FBXL5: variants seen among roughly 807,000 people sequenced by gnomAD.
FBXL5 encodes F-box/LRR-repeat protein 5.
In FBXL5, 26 loss-of-function variants were observed where a neutral mutation model predicts 78.3. The observed-to-expected ratio is 0.33, with a 90% CI of 0.24 to 0.46. The LOEUF is 0.46. Among genes scored for constraint, FBXL5 ranks in the 20% least tolerant of loss-of-function variants. FBXL5 has a pLI of 1.00. For synonymous variants in FBXL5, 295 were observed against 282.5 expected (o/e 1.04, Z -0.45); for missense variants, 710 against 829.2 (o/e 0.86, Z 1.77).
chr4:15,645,282 A>G (rs1470102468), intron 1 of FBXL5, among the ~76,000 whole-genome samples: 3 of 152,218 alleles, frequency 2.0e-5, no homozygotes, highest in Non-Finnish European at 2.9e-5. Context: ...CCTACTATAC[A>G]TAACAGAATT....
At chr4:15,617,019 T>C (rs2148543237) in intron 9 of FBXL5, among the ~76,000 whole-genome samples, 1 of 152,314 alleles carries the variant, frequency 6.6e-6, no homozygotes, top group East Asian at 1.9e-4. Context: ...TTTTACACTG[T>C]TGGGAGTGTA....
upstream of FBXL5, among the ~76,000 whole-genome samples, chr4:15,660,274 A>C (rs1717242920): frequency 6.6e-6 from 1 of 152,068 alleles, no homozygotes; most frequent in African/African-American, 2.4e-5. Context: ...GTAGAGGTGC[A>C]GTCTCATGAT....
intron 1 of FBXL5, among the ~76,000 whole-genome samples, chr4:15,679,427 T>C (rs1039526850): frequency 1.3e-5 from 2 of 152,030 alleles, no homozygotes; most frequent in African/African-American, 4.8e-5. Flanking sequence ...TGAGTAATAT[T>C]TACCCAAGTC....
Position 15,618,774 on chromosome 4 carries a change from G to A in FBXL5, c.1851-6360C>T, listed in dbSNP as rs139069366. ...GGAAAATCGCTAGAGCCCAGGAGGCGGAGGTTACAGTTGAGCCAAGATTGT... is the reference window on the plus strand; with the variant it reads ...GGAAAATCGCTAGAGCCCAGGAGGCAGAGGTTACAGTTGAGCCAAGATTGT... On this transcript the variant is annotated intron_variant, in intron 9 of 10. Coordinates refer to ENST00000341285, the MANE Select transcript of FBXL5 (RefSeq NM_012161.4). Among the ~76,000 whole-genome samples the A allele has an allele frequency of 1.8e-3, 272 of 152,226 alleles. 2 individuals are homozygous for A. The highest frequency in any genetic ancestry group is 0.013 in the South Asian group (65 of 4,818).
chr4:15,628,093 AGC>A (rs1713250962), intron 6 of FBXL5, 60 bp from the exon 7 acceptor site: 1 of 1,495,778 alleles, frequency 6.7e-7, no homozygotes, highest in Non-Finnish European at 9.1e-7. Flanking sequence ...AAGCTACTCA[AGC>A]GCTCACCAAA....
intron 1 of FBXL5, among the ~76,000 whole-genome samples, chr4:15,654,433 A>G (rs993916081): frequency 1.3e-5 from 2 of 152,198 alleles, no homozygotes; most frequent in Non-Finnish European, 2.9e-5. Flanking sequence ...TTATGGGCCC[A>G]AAATGGTTCT....
At chr4:15,653,155 T>C (rs970326548) in intron 1 of FBXL5, among the ~76,000 whole-genome samples, 8 of 152,196 alleles carry the variant, frequency 5.3e-5, no homozygotes, top group African/African-American at 1.9e-4. Context: ...AATTGGACTT[T>C]TAATCTTCGT....
At position 15,638,602 on chromosome 4, in the gene FBXL5, A is replaced by G. The variant is rs1198258582; in HGVS notation, c.489T>C (p.Asp163=). 6.2e-7 allele frequency: 1 copy of G among 1,613,298 alleles called. No individual in the cohort carries two copies. Among genetic ancestry groups the G allele is most frequent in the African/African-American group, 1.3e-5 (1 of 74,924 alleles). The stretch of plus-strand genomic sequence containing the variant: ...TAAGACCTCTAAGGAGTTCTGCAGT[A>G]TCCTTCTGAGAGCAGTGTTGTGCAA... The part of the protein sequence containing the change: ...KVIAQHCSQK[D]TAELLRGLSL... Residue 163 remains aspartate, a synonymous_variant, in exon 4 of 11, where the codon GAT becomes GAC. Coordinates refer to ENST00000341285, the MANE Select transcript of FBXL5 (RefSeq NM_012161.4).
intron 5 of FBXL5, among the ~76,000 whole-genome samples, chr4:15,632,526 C>T (rs7689880): frequency 6.6e-6 from 1 of 152,210 alleles, no homozygotes. Flanking sequence ...TTTCACGATA[C>T]TGATTCTTCC....
chr4:15,635,581 C>T (rs974548690), intron 5 of FBXL5, among the ~76,000 whole-genome samples: 2 of 151,588 alleles, frequency 1.3e-5, no homozygotes, highest in Non-Finnish European at 1.5e-5. Context: ...TGATGAAACC[C>T]CATCTCTACT....
intron 9 of FBXL5, among the ~76,000 whole-genome samples, chr4:15,621,191 C>A (rs1712440160): frequency 6.6e-6 from 1 of 151,918 alleles, no homozygotes; most frequent in South Asian, 2.1e-4. Flanking sequence ...GTAGATGGCA[C>A]GACCTTATAT....
intron 10 of FBXL5, among the ~76,000 whole-genome samples, chr4:15,610,442 T>C (rs1230509268): frequency 6.6e-6 from 1 of 152,084 alleles, no homozygotes; most frequent in Non-Finnish European, 1.5e-5. Context: ...TCCTTTCAAA[T>C]CTTTCAAAGT....
upstream of FBXL5, among the ~76,000 whole-genome samples, chr4:15,662,677 A>G (rs1443601281): frequency 6.6e-6 from 1 of 152,226 alleles, no homozygotes; most frequent in African/African-American, 2.4e-5. Context: ...TGTTTTTTTC[A>G]ATATCATTCT....
chr4:15,656,408 C>A (rs1333119100), upstream of FBXL5: 2 of 411,970 alleles, frequency 4.9e-6, no homozygotes, highest in Admixed American at 5.6e-5. Flanking sequence ...TTGTTATTTG[C>A]TTAATGGCCA....
At chr4:15,651,586 GA>G (rs1412723615) in intron 1 of FBXL5, among the ~76,000 whole-genome samples, 2 of 152,166 alleles carry the variant, frequency 1.3e-5, no homozygotes, top group African/African-American at 4.8e-5. Context: ...AAAAATGGCG[GA>G]GGGGGGAAGG....
chr4:15,640,854 T>C lies in FBXL5; in HGVS notation c.330A>G (p.Lys110=), dbSNP rs780938542. ...AAGCCTCCAATCTCTCTTTCAGTTG[T>C]TTTGCATAATTTAACTGTTCATATT... ...KNEYEQLNYA[K]QLKERLEAFT... The change falls in exon 3 of 11, where the codon AAA becomes AAG. Residue 110 remains lysine, a synonymous_variant. Transcript: ENST00000341285. The C allele has an allele frequency of 3.5e-5, 55 of 1,553,422 alleles. No homozygotes were observed. The highest frequency in any genetic ancestry group is 4.4e-5 in the Non-Finnish European group (51 of 1,152,258).
At chr4:15,635,820 AT>A (rs1288685512) in intron 5 of FBXL5, among the ~76,000 whole-genome samples, 4 of 152,052 alleles carry the variant, frequency 2.6e-5, no homozygotes, top group Non-Finnish European at 4.4e-5. Flanking sequence ...GACAGAAAAA[AT>A]GTATGCTATA....
At chr4:15,634,947 C>A (rs1175132300) in intron 5 of FBXL5, among the ~76,000 whole-genome samples, 1 of 152,062 alleles carries the variant, frequency 6.6e-6, no homozygotes, top group Non-Finnish European at 1.5e-5. Flanking sequence ...AAAAAATTAT[C>A]CCACATAACA....
intron 1 of FBXL5, among the ~76,000 whole-genome samples, chr4:15,651,623 C>T (rs943104851): frequency 6.6e-6 from 1 of 152,154 alleles, no homozygotes; most frequent in Non-Finnish European, 1.5e-5. Context: ...GCTATACTCA[C>T]TCATTTTTTA....
Sources: allele counts gnomAD v4.1 joint callset (sites outside exome capture counted in the v4.1 genomes callset), GRCh38; gene constraint gnomAD v4.1.1; transcripts MANE v1.5; gene names NCBI Gene and HGNC (gene_info 2026-07-23, HGNC 2026-07-21).